GLIS3: variants seen among roughly 807,000 people sequenced by gnomAD.
GLIS3 encodes the protein GLIS family zinc finger 3.
Under a neutral mutation model 78.6 loss-of-function variants are expected in GLIS3, and 53 were observed. The ratio of observed to expected loss-of-function variants is 0.67; its 90% confidence interval spans 0.54 to 0.85. The LOEUF is 0.85. Ranked by LOEUF, GLIS3 falls within the 40% of genes least tolerant of loss-of-function variation. The pLI, the probability that GLIS3 is intolerant of heterozygous loss-of-function variation, is 0.00. For missense variants in GLIS3, 1,703 were observed against 1,231.1 expected (o/e 1.38, Z -5.74); for synonymous variants, 684 against 509.9 (o/e 1.34, Z -4.60).
chr9:4,095,365 A>T (rs1829857659), intron 4 of GLIS3, among the ~76,000 whole-genome samples: 1 of 152,186 alleles, frequency 6.6e-6, no homozygotes, highest in Admixed American at 6.5e-5. Context: ...GTTTCATAAC[A>T]ACCACAGGAC....
At position 3,967,134 on chromosome 9, in the gene GLIS3, T is replaced by C. The variant is rs553236691; in HGVS notation, c.1711-29945A>G. Among the ~76,000 whole-genome samples, 20 of 149,860 alleles carry C rather than the reference T, an allele frequency of 1.3e-4. 1 individual carries two copies. Among genetic ancestry groups the C allele is most frequent in the Admixed American group, 6.6e-5 (1 of 15,104 alleles). ...TAAAGAAGTCCAGTAAGGATCTCTA[T>C]CTGCCATACACCTGGCCAATTCATT... On this transcript the variant is annotated intron_variant, in intron 4 of 10. Coordinates refer to ENST00000381971, the MANE Select transcript of GLIS3 (RefSeq NM_001042413.2).
intron 3 of GLIS3, among the ~76,000 whole-genome samples, chr9:4,122,569 A>T (rs1193510449): frequency 1.3e-5 from 2 of 152,188 alleles, no homozygotes; most frequent in Non-Finnish European, 2.9e-5. Context: ...TGATGGCTGA[A>T]CTTTGTCACT....
At chr9:4,274,786 C>T (rs10814909) in intron 2 of GLIS3, among the ~76,000 whole-genome samples, 31,977 of 152,080 alleles carry the variant, frequency 0.21, 3,519 homozygotes, top group Admixed American at 0.24. Flanking sequence ...GCACATGAAT[C>T]ACCTGGGAAT....
rs180901749 is a variant in GLIS3 at position 4,237,638 on chromosome 9, T to G, written c.388+48400A>C. ...ACCATTTTTACCCCAATTCCATAAA[T>G]GTACATTTAGAAGTACAGTTTGTCA... is the stretch of plus-strand genomic sequence containing the variant. On this transcript the variant is annotated intron_variant, in intron 2 of 10. Transcript: ENST00000381971. 1.9e-3 allele frequency among the ~76,000 whole-genome samples: 295 copies of G among 152,356 alleles called. 6 individuals carry two copies. Among genetic ancestry groups the G allele is most frequent in the Admixed American group, 0.017 (257 of 15,310 alleles).
intron 2 of GLIS3, among the ~76,000 whole-genome samples, chr9:4,325,645 A>T (rs552890836): frequency 1.3e-5 from 2 of 152,236 alleles, no homozygotes; most frequent in East Asian, 3.9e-4. Context: ...GACAAGATAC[A>T]CTTAGGATTC....
chr9:4,262,306 C>T (rs1041994852), intron 2 of GLIS3, among the ~76,000 whole-genome samples: 3 of 152,084 alleles, frequency 2.0e-5, no homozygotes, highest in East Asian at 1.9e-4. Flanking sequence ...CACTGACACC[C>T]GCTATTTTTG....
intron 3 of GLIS3, among the ~76,000 whole-genome samples, chr9:4,123,026 A>T (rs1832301905): frequency 6.6e-6 from 1 of 152,190 alleles, no homozygotes; most frequent in Admixed American, 6.5e-5. Flanking sequence ...TTATTGGATT[A>T]AATAGAATCC....
chr9:4,298,341 G>T, intron 1 of GLIS3: 1 of 455,402 alleles, frequency 2.2e-6, no homozygotes, highest in Non-Finnish European at 4.4e-6. Context: ...GGGCGCGAAC[G>T]CGGAGCCAGA....
At chr9:3,983,180 C>G (rs1043164809) in intron 4 of GLIS3, among the ~76,000 whole-genome samples, 1 of 152,142 alleles carries the variant, frequency 6.6e-6, no homozygotes, top group Non-Finnish European at 1.5e-5. Context: ...ATGAGTCTCA[C>G]AAGATCTGAT....
At chr9:4,013,199 C>T (rs2130059064) in intron 4 of GLIS3, among the ~76,000 whole-genome samples, 1 of 152,214 alleles carries the variant, frequency 6.6e-6, no homozygotes, top group African/African-American at 2.4e-5. Flanking sequence ...CCCAACCTCC[C>T]AAAAACCAGT....
rs374334466 is a variant in GLIS3, at chr9:3,920,961, T to C, written c.1983+11399A>G. On this transcript the variant is annotated intron_variant, in intron 6 of 10. Transcript: ENST00000381971. The stretch of plus-strand genomic sequence containing the variant: ...AAAGCTCAGTGATGTCCTTAGAGAT[T>C]TGAAATGAGGAAAACTTCTCATTAC... Among the ~76,000 whole-genome samples, 12 of 152,300 alleles carry C rather than the reference T, an allele frequency of 7.9e-5. No individual in the cohort carries two copies. The South Asian group carries it at 2.5e-3, about 32-fold the overall frequency.
At chr9:4,396,664 C>A in the GLIS3 span, among the ~76,000 whole-genome samples, 1 of 152,142 alleles carries the variant, frequency 6.6e-6, no homozygotes. Context: ...ATTTGATATG[C>A]AATTTGATGA....
intron 2 of GLIS3, among the ~76,000 whole-genome samples, chr9:4,132,809 CA>C (rs951570802): frequency 1.2e-4 from 18 of 152,202 alleles, no homozygotes; most frequent in African/African-American, 4.3e-4. Flanking sequence ...AACACACACA[CA>C]AGGTGTTACA....
chr9:3,862,008 A>G (rs189657376), intron 8 of GLIS3, among the ~76,000 whole-genome samples: 88 of 152,288 alleles, frequency 5.8e-4, no homozygotes, highest in Admixed American at 1.4e-3. Context: ...CTAGTTCTAG[A>G]AGTAGTTAAT....
intron 7 of GLIS3, among the ~76,000 whole-genome samples, chr9:3,889,049 C>T (rs1193208106): frequency 1.1e-4 from 17 of 152,218 alleles, no homozygotes; most frequent in African/African-American, 3.4e-4. Context: ...CTTAGATTTT[C>T]GAAAACATAA....
At chr9:4,216,176 G>A (rs1372948286) in intron 2 of GLIS3, among the ~76,000 whole-genome samples, 1 of 152,032 alleles carries the variant, frequency 6.6e-6, no homozygotes, top group Non-Finnish European at 1.5e-5. Flanking sequence ...CATGCAAGAA[G>A]AAAATGTGGG....
intron 4 of GLIS3, among the ~76,000 whole-genome samples, chr9:3,961,200 G>T (rs774957373): frequency 6.6e-6 from 1 of 152,132 alleles, no homozygotes; most frequent in Non-Finnish European, 1.5e-5. Flanking sequence ...ATGAGAACCC[G>T]CTGTGCTCTT....
intron 4 of GLIS3, among the ~76,000 whole-genome samples, chr9:3,998,463 T>C (rs1162906164): frequency 6.6e-6 from 1 of 152,052 alleles, no homozygotes; most frequent in Non-Finnish European, 1.5e-5. Flanking sequence ...ATTACAATAA[T>C]GTACTTACCT....
chr9:4,427,781 T>C, the GLIS3 span, among the ~76,000 whole-genome samples: 2,887 of 151,464 alleles, frequency 0.019, 83 homozygotes, highest in African/African-American at 0.066. Flanking sequence ...ATCGCTTGAA[T>C]CCAGGAGGCG....
Sources: allele counts gnomAD v4.1 joint callset (sites outside exome capture counted in the v4.1 genomes callset), GRCh38; gene constraint gnomAD v4.1.1; transcripts MANE v1.5; gene names NCBI Gene and HGNC (gene_info 2026-07-23, HGNC 2026-07-21).